VPS35: variants seen among roughly 807,000 people sequenced by gnomAD.
The protein encoded by VPS35 is vacuolar protein sorting-associated protein 35.
VPS35 carries 21 observed loss-of-function variants against 98.1 expected under a neutral mutation model. The ratio of observed to expected loss-of-function variants is 0.21; its 90% CI spans 0.15 to 0.31. VPS35 has a LOEUF of 0.31. Ranked by LOEUF, VPS35 falls within the 10% of genes least tolerant of loss-of-function variation. VPS35 has a pLI of 1.00. For missense variants in VPS35, 554 were observed against 950.8 expected, an observed-to-expected ratio of 0.58 and a Z score of 5.49; for synonymous variants, 268 against 318.2, an observed-to-expected ratio of 0.84 and a Z score of 1.68.
chr16:46,666,460 G>T (rs1965990783), intron 13 of VPS35, among the ~76,000 whole-genome samples: 1 of 151,818 alleles, frequency 6.6e-6, no homozygotes, highest in Admixed American at 6.6e-5. Context: ...TAGAGACGGG[G>T]TTTCTCCATG....
rs1416125492 is a variant in VPS35, at chr16:46,689,122, A to G, written c.3+9T>C. Reference sequence around the variant, plus strand: ...TCGACCCAGGTGCCACTGCCCCCTCAGCACTCACCATGGCGACTCCCCAGA... The same window carrying G: ...TCGACCCAGGTGCCACTGCCCCCTCGGCACTCACCATGGCGACTCCCCAGA... On this transcript the variant is annotated intron_variant, in intron 1 of 16. Coordinates refer to ENST00000299138, the MANE Select transcript of VPS35 (RefSeq NM_018206.6). 1.2e-6 allele frequency: 2 copies of G among 1,608,970 alleles called. No homozygotes were observed. The highest frequency in any genetic ancestry group is 1.3e-5 in the African/African-American group (1 of 74,894).
intron 13 of VPS35, among the ~76,000 whole-genome samples, chr16:46,663,957 C>T (rs1327396675): frequency 6.9e-6 from 1 of 145,286 alleles, no homozygotes; most frequent in Non-Finnish European, 1.5e-5. Context: ...GCAAACCTCC[C>T]GCCTCAGCCT....
intron 13 of VPS35, among the ~76,000 whole-genome samples, chr16:46,663,385 T>C (rs1965941419): frequency 6.6e-6 from 1 of 152,248 alleles, no homozygotes; most frequent in Non-Finnish European, 1.5e-5. Context: ...ATTTGGTATT[T>C]GTTTTTTCTT....
At chr16:46,673,965 C>T in intron 10 of VPS35, 1 of 218,384 alleles carries the variant, frequency 4.6e-6, no homozygotes, top group Non-Finnish European at 9.2e-6. Context: ...TTAAGCTCAT[C>T]AGCTATTGTT....
At chr16:46,685,898 G>A (rs925004148) in intron 1 of VPS35, among the ~76,000 whole-genome samples, 1 of 151,846 alleles carries the variant, frequency 6.6e-6, no homozygotes, top group Non-Finnish European at 1.5e-5. Context: ...ATGACTTCTT[G>A]TTGTGGTAAA....
intron 16 of VPS35, chr16:46,660,868 C>T (rs1409574554): frequency 3.3e-5 from 18 of 547,720 alleles, no homozygotes; most frequent in Admixed American, 7.3e-5. Context: ...AAAATTGGCT[C>T]GGCTCAGTGG....
intron 5 of VPS35, among the ~76,000 whole-genome samples, chr16:46,679,607 G>C (rs1297441356): frequency 6.6e-6 from 1 of 152,092 alleles, no homozygotes; most frequent in Non-Finnish European, 1.5e-5. Context: ...TAACACTTAT[G>C]GTGTACTGCT....
rs1965852862 is a variant in VPS35 at position 46,657,518 on chromosome 16, A to C, written c.*2954T>G. On this transcript the variant is annotated 3_prime_UTR_variant, in exon 17 of 17. Coordinates refer to ENST00000299138, the MANE Select transcript of VPS35 (RefSeq NM_018206.6). The stretch of plus-strand genomic sequence containing the variant: ...TCAATGCCTTTGAGAGCTGCACACG[A>C]ACTGTACACAAGTGCTCATCATTCT... The C allele has an allele frequency of 6.6e-6, 1 of 152,108 alleles. No homozygotes were observed. Among genetic ancestry groups the C allele is most frequent in the South Asian group, 2.1e-4 (1 of 4,818 alleles). 9.4% of individuals were successfully genotyped at this position (152,108 alleles called of 1,614,324 possible).
At chr16:46,687,916 C>T (rs1966346758) in intron 1 of VPS35, among the ~76,000 whole-genome samples, 1 of 152,192 alleles carries the variant, frequency 6.6e-6, no homozygotes, top group Non-Finnish European at 1.5e-5. Context: ...AACTGGTTCA[C>T]CCAACAAAGA....
intron 1 of VPS35, among the ~76,000 whole-genome samples, chr16:46,685,882 T>C (rs979492282): frequency 6.6e-6 from 1 of 152,190 alleles, no homozygotes; most frequent in South Asian, 2.1e-4. Context: ...ATATTTTTAA[T>C]TAAAAATGAC....
rs1965844042 is a variant in VPS35 at position 46,656,346 on chromosome 16, G to C, written c.*4126C>G. On this transcript the variant is annotated 3_prime_UTR_variant, in exon 17 of 17. Coordinates refer to ENST00000299138, the MANE Select transcript of VPS35 (RefSeq NM_018206.6). The stretch of plus-strand genomic sequence containing the variant: ...GGGAGCAGACTTGAATTGCAGAACT[G>C]AAGTTACAATTGGCACATCCTTGTT... 1 of 152,216 alleles carries C rather than the reference G, an allele frequency of 6.6e-6. No individual in the cohort carries two copies. Among genetic ancestry groups the C allele is most frequent in the Non-Finnish European group, 1.5e-5 (1 of 68,040 alleles). 9.4% of individuals were successfully genotyped at this position (152,216 alleles called of 1,614,324 possible).
In VPS35 at chr16:46,682,067, T is replaced by C. The variant is rs1282541216; in HGVS notation, c.199+12A>G. On this transcript the variant is annotated intron_variant, in intron 3 of 16. Transcript: ENST00000299138. Reference sequence around the variant, plus strand: ...TGGTCCAAATGTTTAGTCTTCAACATTCAAAAGATACAAAGTTCATAGTAA... The same window carrying C: ...TGGTCCAAATGTTTAGTCTTCAACACTCAAAAGATACAAAGTTCATAGTAA... 6 of 1,602,822 alleles carry C rather than the reference T, an allele frequency of 3.7e-6. No homozygotes were observed. The highest frequency in any genetic ancestry group is 4.3e-6 in the Non-Finnish European group (5 of 1,169,972).
chr16:46,685,685 T>A (rs1322102850), intron 1 of VPS35, among the ~76,000 whole-genome samples: 1 of 152,210 alleles, frequency 6.6e-6, no homozygotes, highest in African/African-American at 2.4e-5. Context: ...CTATTCATCA[T>A]GGGCTAGTCT....
At chr16:46,663,613 C>G (rs1202598927) in intron 13 of VPS35, among the ~76,000 whole-genome samples, 2 of 152,040 alleles carry the variant, frequency 1.3e-5, no homozygotes, top group African/African-American at 4.8e-5. Context: ...GTTGGCCAGG[C>G]TGGTAACTCC....
chr16:46,676,139 T>A (rs1389551071), intron 8 of VPS35, among the ~76,000 whole-genome samples: 14 of 151,386 alleles, frequency 9.2e-5, no homozygotes, highest in Admixed American at 2.0e-4. Context: ...TACTTAAAAT[T>A]TTTTCTTTAA....
intron 13 of VPS35, among the ~76,000 whole-genome samples, chr16:46,666,058 C>G (rs1356085738): frequency 6.6e-6 from 1 of 151,866 alleles, no homozygotes; most frequent in Admixed American, 6.6e-5. Flanking sequence ...CATGTGCCCT[C>G]ACACCTGGCT....
chr16:46,662,018 C>T (rs1456190972), intron 15 of VPS35, among the ~76,000 whole-genome samples, 157 bp from the exon 16 acceptor site: 1 of 152,086 alleles, frequency 6.6e-6, no homozygotes, highest in African/African-American at 2.4e-5. Flanking sequence ...AAGTATACAG[C>T]TGTATTTTTT....
rs1187515978 is a variant in VPS35 at position 46,674,375 on chromosome 16, C to T, written c.1099G>A (p.Asp367Asn). The change falls in exon 10 of 17, where the codon GAC becomes AAC. Residue 367 changes from aspartate to asparagine, a missense_variant. Asp to Asn is a conservative substitution (Grantham distance 23). Around this residue, in one of 5 missense-constraint regions of VPS35, gnomAD observed 254 missense variants for 390.1 expected, o/e 0.65. Transcript: ENST00000299138. ...GTTTCTAGAACTTTATCAACATAGT[C>T]CACACGATCAGGGTAACATTTCATG... Reference protein sequence around the residue: ...LAMKCYPDRVDYVDKVLETTV... With the variant: ...LAMKCYPDRVNYVDKVLETTV... The T allele has an allele frequency of 1.2e-6, 2 of 1,614,008 alleles. No individual in the cohort carries two copies. Among genetic ancestry groups the T allele is most frequent in the Non-Finnish European group, 1.7e-6 (2 of 1,179,962 alleles).
intron 13 of VPS35, among the ~76,000 whole-genome samples, chr16:46,666,023 C>T (rs940776848): frequency 1.3e-5 from 2 of 151,436 alleles, no homozygotes; most frequent in Admixed American, 1.3e-4. Context: ...CCTGCCTCAG[C>T]TTCCCAAGTA....
Sources: allele counts gnomAD v4.1 joint callset (sites outside exome capture counted in the v4.1 genomes callset), GRCh38; gene constraint gnomAD v4.1.1; regional missense constraint gnomAD v4.1.1; transcripts MANE v1.5; gene names NCBI Gene and HGNC (gene_info 2026-07-23, HGNC 2026-07-21).